Variants in TUBGCP3 observed in about 807,000 individuals in gnomAD.
TUBGCP3 encodes tubulin gamma complex component 3.
In TUBGCP3, 50 loss-of-function variants were observed where a neutral mutation model predicts 123.1. The observed-to-expected ratio is 0.41, with a 90% CI of 0.32 to 0.51. The LOEUF is 0.51. TUBGCP3 is among the 20% of genes least tolerant of loss of function. TUBGCP3 has a pLI of 0.36. For synonymous variants in TUBGCP3, 405 were observed against 413.9 expected (o/e 0.98, Z 0.26); for missense variants, 882 against 1,127.0 (o/e 0.78, Z 3.11).
chr13:112,505,765 T>C (rs544733100), intron 17 of TUBGCP3, among the ~76,000 whole-genome samples: 1 of 152,200 alleles, frequency 6.6e-6, no homozygotes. Flanking sequence ...GAAATACATA[T>C]GTGAATTGTA....
At chr13:112,518,194 C>A (rs1876316360) in intron 16 of TUBGCP3, among the ~76,000 whole-genome samples, 1 of 152,110 alleles carries the variant, frequency 6.6e-6, no homozygotes, top group Non-Finnish European at 1.5e-5. Context: ...GGTGAGTGTG[C>A]CCTGATGCAA....
At position 112,486,097 on chromosome 13, in the gene TUBGCP3, G is replaced by A. The variant is rs1463799818; in HGVS notation, c.2620C>T (p.Arg874Trp). The change falls in exon 22 of 22, where the codon CGG becomes TGG. Residue 874 changes from arginine (R) to tryptophan (W), a missense_variant. Arg to Trp is a moderately radical substitution (Grantham distance 101, BLOSUM62 -3). Coordinates refer to ENST00000261965, the MANE Select transcript of TUBGCP3 (RefSeq NM_006322.6). ...LLTTSSDESL[R>W]FLSFRLDFNE... ...AAGTCCAGCCTGAAGCTAAGAAACC[G>A]AAGACTCTCGTCAGAGCTGGTCGTC... 10 of 1,610,484 alleles carry A rather than the reference G, an allele frequency of 6.2e-6. No individual in the cohort carries two copies. The highest frequency in any genetic ancestry group is 2.7e-5 in the African/African-American group (2 of 74,976).
chr13:112,601,164 G>A, the TUBGCP3 span, among the ~76,000 whole-genome samples: 1 of 142,090 alleles, frequency 7.0e-6, no homozygotes, highest in Non-Finnish European at 1.5e-5. Flanking sequence ...TCTAGCCTGG[G>A]CCACAAAGCA....
chr13:112,489,599 T>C lies in TUBGCP3; in HGVS notation c.2547A>G (p.Ile849Met), dbSNP rs1346926867. 3 of 1,613,964 alleles carry C rather than the reference T, an allele frequency of 1.9e-6. No individual in the cohort carries two copies. Among genetic ancestry groups the C allele is most frequent in the Non-Finnish European group, 2.5e-6 (3 of 1,179,784 alleles). Residue 849 changes from isoleucine to methionine, a missense_variant, in exon 21 of 22, where the codon ATA becomes ATG. Physicochemically the swap from Ile to Met is conservative, Grantham distance 10. Transcript: ENST00000261965. Reference sequence around the variant, plus strand: ...TACACACCTGGTAGAAATGGGTCAATATTCGCAACTGTGAGCACATTTTTG... The same window carrying C: ...TACACACCTGGTAGAAATGGGTCAACATTCGCAACTGTGAGCACATTTTTG... Reference protein sequence around the residue: ...SIPKMCSQLRILTHFYQGIVQ... With the variant: ...SIPKMCSQLRMLTHFYQGIVQ...
rs373555131 is a variant in TUBGCP3 at position 112,499,001 on chromosome 13, G to A, written c.2448+44C>T. The A allele has an allele frequency of 4.0e-4, 643 of 1,614,048 alleles. 1 individual carries two copies. The highest frequency in any genetic ancestry group is 4.0e-4 in the Non-Finnish European group (474 of 1,180,016). On this transcript the variant is annotated intron_variant, in intron 20 of 21. Coordinates refer to ENST00000261965, the MANE Select transcript of TUBGCP3 (RefSeq NM_006322.6). ...TTGAGATTATCGTGTGTGGCAAGGA[G>A]TTCATTATTCAAATAGATAAATTCA...
At chr13:112,495,068 T>C (rs1362032182) in intron 20 of TUBGCP3, among the ~76,000 whole-genome samples, 1 of 152,222 alleles carries the variant, frequency 6.6e-6, no homozygotes, top group African/African-American at 2.4e-5. Flanking sequence ...TTAAACTTGA[T>C]TTGACCCCAT....
Position 112,558,185 on chromosome 13 carries a change from T to C in TUBGCP3, c.548+11A>G, listed in dbSNP as rs1299167393. 2 of 1,606,106 alleles carry C rather than the reference T, an allele frequency of 1.2e-6. No individual in the cohort carries two copies. The highest frequency in any genetic ancestry group is 1.7e-5 in the Admixed American group (1 of 59,842). ...CACATAGAGAATCTATACACGTCAG[T>C]GTGGCCTTACCCTGGGAGGAGAGAT... is the stretch of plus-strand genomic sequence containing the variant. On this transcript the variant is annotated intron_variant, in intron 5 of 21. Transcript: ENST00000261965.
intron 1 of TUBGCP3, among the ~76,000 whole-genome samples, chr13:112,579,036 T>C (rs1882079339): frequency 6.6e-6 from 1 of 152,074 alleles, no homozygotes; most frequent in Non-Finnish European, 1.5e-5. Flanking sequence ...GATTAAAAAC[T>C]TTTGCTCTGC....
chr13:112,595,878 C>T, the TUBGCP3 span, among the ~76,000 whole-genome samples: 3 of 152,008 alleles, frequency 2.0e-5, no homozygotes, highest in African/African-American at 4.8e-5. Flanking sequence ...CCATTTCTCT[C>T]TTTTTTGTGC....
the TUBGCP3 span, among the ~76,000 whole-genome samples, chr13:112,599,329 C>T: frequency 2.0e-5 from 3 of 152,180 alleles, no homozygotes; most frequent in Admixed American, 6.5e-5. Flanking sequence ...TGGGTCCTTA[C>T]GCTCCACTTC....
At position 112,547,708 on chromosome 13, in the gene TUBGCP3, A is replaced by C; in HGVS notation, c.1080T>G (p.Ser360Arg). The change falls in exon 10 of 22, where the codon AGT becomes AGG. Residue 360 changes from serine to arginine, a missense_variant. Ser to Arg is a moderately radical substitution (Grantham distance 110, BLOSUM62 -1). This residue lies in a region of TUBGCP3 where 713 missense variants were observed against 874.0 expected (regional missense o/e 0.82). Coordinates refer to ENST00000261965, the MANE Select transcript of TUBGCP3 (RefSeq NM_006322.6). ...DDQGVNLGLE[S>R]SLTLRRLLVW... ...CCAGGAGGCGCCGAAGTGTTAAACT[A>C]CTCTCAAGTCCCAAATTCACACCCT... The C allele has an allele frequency of 1.3e-6, 2 of 1,550,838 alleles. No homozygotes were observed. Among genetic ancestry groups the C allele is most frequent in the Non-Finnish European group, 1.7e-6 (2 of 1,147,382 alleles).
chr13:112,516,041 A>T (rs1405990658), intron 17 of TUBGCP3, among the ~76,000 whole-genome samples: 1 of 152,262 alleles, frequency 6.6e-6, no homozygotes, highest in African/African-American at 2.4e-5. Context: ...TTCAATGTTT[A>T]TAACATTAAA....
chr13:112,565,587 T>C (rs1361700922), intron 2 of TUBGCP3, among the ~76,000 whole-genome samples: 4 of 152,186 alleles, frequency 2.6e-5, no homozygotes, highest in Admixed American at 2.6e-4. Context: ...TTAAGTACAA[T>C]ATTCATGGTC....
At position 112,508,813 on chromosome 13, in the gene TUBGCP3, A is replaced by T. The variant is rs1306423418; in HGVS notation, c.2087-4099T>A. ...AGTCAGAGACCCAGGTGCCACTGAG[A>T]CTCCAACCACCTCCTGGCCTCCGTA... On this transcript the variant is annotated intron_variant, in intron 17 of 21. Transcript: ENST00000261965. The surrounding 1 kb of genome is among the most constrained non-coding windows in gnomAD (Gnocchi z 4.2). 6.6e-6 allele frequency among the ~76,000 whole-genome samples: 1 copy of T among 151,662 alleles called. No individual in the cohort carries two copies. Among genetic ancestry groups the T allele is most frequent in the Non-Finnish European group, 1.5e-5 (1 of 67,908 alleles).
At chr13:112,503,530 C>A (rs560971043) in intron 19 of TUBGCP3, among the ~76,000 whole-genome samples, 15 of 152,026 alleles carry the variant, frequency 9.9e-5, no homozygotes, top group African/African-American at 3.4e-4. Context: ...CCACCACGAC[C>A]GGCTAGTGTG....
At chr13:112,498,750 G>A (rs1463824835) in intron 20 of TUBGCP3, 30 of 1,516,446 alleles carry the variant, frequency 2.0e-5, no homozygotes, top group East Asian at 1.5e-4. Context: ...TGGAGATTCC[G>A]ACGGGTGACA....
intron 9 of TUBGCP3, 109 bp from the exon 10 acceptor site, chr13:112,547,861 A>T: frequency 7.9e-7 from 1 of 1,269,218 alleles, no homozygotes; most frequent in Non-Finnish European, 1.0e-6. Flanking sequence ...ATAAAAATGA[A>T]GCCAAAGTCC....
Position 112,524,881 on chromosome 13 carries a change from TA to T in TUBGCP3, c.1555+2060del, listed in dbSNP as rs1422984268. 1.3e-5 allele frequency among the ~76,000 whole-genome samples: 2 copies of T among 152,208 alleles called. No individual in the cohort carries two copies. The highest frequency in any genetic ancestry group is 2.9e-5 in the Non-Finnish European group (2 of 68,032). Reference sequence around the variant, plus strand: ...GCTTCCACTAGTAAGTCCTCTCAGCTACTGAAAACCAAATTGCCCGAAATGA... The same window carrying T: ...GCTTCCACTAGTAAGTCCTCTCAGCTCTGAAAACCAAATTGCCCGAAATGA... On this transcript the variant is annotated intron_variant, in intron 13 of 21. Coordinates refer to ENST00000261965, the MANE Select transcript of TUBGCP3 (RefSeq NM_006322.6). The surrounding 1 kb of genome is among the most constrained non-coding windows in gnomAD (Gnocchi z 4.4).
At chr13:112,540,472 T>C (rs1479152084) in intron 11 of TUBGCP3, among the ~76,000 whole-genome samples, 1 of 140,692 alleles carries the variant, frequency 7.1e-6, no homozygotes, top group Non-Finnish European at 1.5e-5. Flanking sequence ...AGTAGCCCTA[T>C]GAGCATTCAG....
Sources: gnomAD v4.1 joint callset for allele counts (sites outside exome capture counted in the v4.1 genomes callset) on GRCh38, gnomAD v4.1.1 for gene constraint, gnomAD v4.1.1 regional missense constraint, Gnocchi (gnomAD v3.1) non-coding constraint, MANE v1.5 for transcripts, NCBI Gene and HGNC (gene_info 2026-07-23, HGNC 2026-07-21) for gene names.